The following CDK13 variants were observed in gnomAD, a reference collection of about 807,000 sequenced individuals.
CDK13 encodes cyclin-dependent kinase 13.
In CDK13, 40 loss-of-function variants were observed where a neutral mutation model predicts 137.6. The observed-to-expected ratio is 0.29, with a 90% CI of 0.23 to 0.38. The LOEUF (loss-of-function observed/expected upper bound fraction) is 0.38. CDK13 is among the 10% of genes least tolerant of loss of function. The pLI, the probability that CDK13 is intolerant of heterozygous loss-of-function variation, is 1.00. For missense variants in CDK13, 1,704 were observed against 1,951.8 expected (o/e 0.87, Z 2.39); for synonymous variants, 869 against 760.1 (o/e 1.14, Z -2.36).
chr7:40,006,808 A>G (rs1358693830), intron 5 of CDK13, among the ~76,000 whole-genome samples: 2 of 152,168 alleles, frequency 1.3e-5, no homozygotes, highest in Non-Finnish European at 2.9e-5. Context: ...GAAGATTTTT[A>G]TGCTGTATGA....
In CDK13 at chr7:40,094,870, C is replaced by T. The variant is rs1787011490; in HGVS notation, c.4429C>T (p.His1477Tyr). ...AAATCCGAGTGGCCCCAGCCTCATG[C>T]ATGGACAGACCTGGACTTCTCCTGC... ...QENPSGPSLM[H>Y]GQTWTSPAQG... is the part of the protein sequence containing the mutation. Residue 1477 changes from histidine (H) to tyrosine (Y), a missense_variant, in exon 14 of 14, where the codon CAT becomes TAT. Physicochemically the swap from His to Tyr is moderately conservative, Grantham distance 83. This residue lies in a region of CDK13 where 475 missense variants were observed against 579.3 expected (regional missense o/e 0.82). Transcript: ENST00000181839. 1.3e-6 allele frequency: 2 copies of T among 1,539,548 alleles called. No individual in the cohort carries two copies. Among genetic ancestry groups the T allele is most frequent in the Admixed American group, 2.0e-5 (1 of 48,886 alleles).
chr7:39,993,643 A>G (rs1275687679), intron 2 of CDK13, among the ~76,000 whole-genome samples: 6 of 152,090 alleles, frequency 3.9e-5, no homozygotes, highest in Non-Finnish European at 8.8e-5. Flanking sequence ...TTAATATGTT[A>G]GAGATCTTTC....
intron 1 of CDK13, chr7:39,985,926 G>C (rs943241933): frequency 2.6e-5 from 4 of 152,238 alleles, no homozygotes; most frequent in African/African-American, 9.7e-5. Flanking sequence ...GCTTCTTCCA[G>C]AAAATGTGGC....
chr7:39,995,902 C>G (rs1784551597), intron 2 of CDK13, among the ~76,000 whole-genome samples: 1 of 152,112 alleles, frequency 6.6e-6, no homozygotes, highest in African/African-American at 2.4e-5. Context: ...CCCAGCTACT[C>G]AGGAGGCTGA....
intron 5 of CDK13, among the ~76,000 whole-genome samples, chr7:40,009,795 A>G (rs564566747): frequency 2.1e-4 from 32 of 152,352 alleles, no homozygotes; most frequent in African/African-American, 7.5e-4. Flanking sequence ...GATAAAGGAC[A>G]TCTTATGAAA....
intron 1 of CDK13, among the ~76,000 whole-genome samples, chr7:39,960,968 A>G (rs1188394066): frequency 6.6e-6 from 1 of 152,244 alleles, no homozygotes; most frequent in Non-Finnish European, 1.5e-5. Flanking sequence ...TAATTAAGAA[A>G]TCAGTCACAT....
chr7:39,984,777 C>G (rs1034709552), intron 1 of CDK13: 1 of 152,186 alleles, frequency 6.6e-6, no homozygotes, highest in African/African-American at 2.4e-5. Context: ...AGTTCGAGAC[C>G]AGCCTGGCTA....
chr7:39,963,170 G>T (rs1744712074), intron 1 of CDK13, among the ~76,000 whole-genome samples: 1 of 152,110 alleles, frequency 6.6e-6, no homozygotes, highest in Admixed American at 6.5e-5. Context: ...GAAAGTCATT[G>T]GTAGCTTGAT....
chr7:40,039,914 A>G (rs1465031748), intron 5 of CDK13, among the ~76,000 whole-genome samples: 2 of 151,218 alleles, frequency 1.3e-5, no homozygotes, highest in African/African-American at 4.9e-5. Flanking sequence ...CCTAGTTGGA[A>G]CTTTTTTTCT....
At chr7:40,011,491 AT>A in intron 5 of CDK13, among the ~76,000 whole-genome samples, 1 of 152,360 alleles carries the variant, frequency 6.6e-6, no homozygotes, top group South Asian at 2.1e-4. Flanking sequence ...CACACATTTT[AT>A]AAGCTCAACT....
In CDK13 at chr7:40,022,471, A is replaced by C. The variant is rs114023154; in HGVS notation, c.2353+20440A>C. Reference sequence around the variant, plus strand: ...AGGTCATGGCTTTGGGGTAAATAGAAATGTTGAAATAAGATCCCTGAATAC... The same window carrying C: ...AGGTCATGGCTTTGGGGTAAATAGACATGTTGAAATAAGATCCCTGAATAC... On this transcript the variant is annotated intron_variant, in intron 5 of 13. Transcript: ENST00000181839. Among the ~76,000 whole-genome samples the C allele has an allele frequency of 2.1e-3, 317 of 152,248 alleles. 1 individual carries two copies. Among genetic ancestry groups the C allele is most frequent in the African/African-American group, 7.4e-3 (308 of 41,538 alleles).
intron 5 of CDK13, among the ~76,000 whole-genome samples, chr7:40,003,198 A>ACTCTCTCT (rs1408905892): frequency 4.5e-4 from 40 of 89,458 alleles, no homozygotes; most frequent in African/African-American, 1.6e-3. Flanking sequence ...ACACACACAC[A>ACTCTCTCT]CACACACACT....
At chr7:39,964,533 A>G (rs1783824005) in intron 1 of CDK13, among the ~76,000 whole-genome samples, 2 of 150,646 alleles carry the variant, frequency 1.3e-5, no homozygotes, top group South Asian at 4.2e-4. Context: ...TAGTCTTGCT[A>G]GCGGTCTGTC....
intron 5 of CDK13, among the ~76,000 whole-genome samples, chr7:40,024,190 A>C (rs1327299653): frequency 2.6e-5 from 4 of 152,030 alleles, no homozygotes; most frequent in African/African-American, 4.8e-5. Flanking sequence ...CTGTATTTTC[A>C]ACTGCTTCCC....
At chr7:39,970,517 A>G (rs149455408) in intron 1 of CDK13, among the ~76,000 whole-genome samples, 3,360 of 149,756 alleles carry the variant, frequency 0.022, 115 homozygotes, top group African/African-American at 0.079. Flanking sequence ...CTGGAGTGCA[A>G]TGGCATGATC....
chr7:40,077,960 T>C (rs767025223), intron 9 of CDK13, 45 bp from the exon 10 acceptor site: 5 of 814,262 alleles, frequency 6.1e-6, no homozygotes, highest in Non-Finnish European at 7.6e-6. Flanking sequence ...GTATGTATTC[T>C]TTATGTAGTT....
chr7:40,000,615 G>T (rs1345987872), intron 4 of CDK13, among the ~76,000 whole-genome samples: 1 of 152,166 alleles, frequency 6.6e-6, no homozygotes, highest in Non-Finnish European at 1.5e-5. Context: ...TGACCTTACG[G>T]TTAGAAACTA....
At chr7:39,978,937 C>T (rs1784165896) in intron 1 of CDK13, among the ~76,000 whole-genome samples, 1 of 152,126 alleles carries the variant, frequency 6.6e-6, no homozygotes, top group Non-Finnish European at 1.5e-5. Context: ...ATTAAATTTG[C>T]AGGCAAGAGA....
intron 2 of CDK13, among the ~76,000 whole-genome samples, chr7:39,989,935 ACCAAG>A (rs1036747339): frequency 1.2e-4 from 6 of 50,122 alleles, no homozygotes; most frequent in Non-Finnish European, 1.5e-4. Flanking sequence ...GGCGCCCGCC[ACCAAG>A]CCCGGCTAAT....
Sources: gnomAD v4.1 joint callset for allele counts (sites outside exome capture counted in the v4.1 genomes callset) on GRCh38, gnomAD v4.1.1 for gene constraint, gnomAD v4.1.1 regional missense constraint, MANE v1.5 for transcripts, NCBI Gene and HGNC (gene_info 2026-07-23, HGNC 2026-07-21) for gene names.